Variants in CGNL1 observed in about 807,000 individuals in gnomAD.
The protein encoded by CGNL1 is cingulin-like protein 1.
In CGNL1, 132 loss-of-function variants were observed where a neutral mutation model predicts 141.2. The observed-to-expected ratio is 0.93, with a 90% CI of 0.81 to 1.08. The LOEUF (loss-of-function observed/expected upper bound fraction) is 1.08, where lower values mean the gene tolerates loss of function less well. Ranked by LOEUF, CGNL1 falls within the 50% of genes least tolerant of loss-of-function variation. The pLI is 0.00. For missense variants in CGNL1, 1,870 were observed against 1,588.6 expected, an observed-to-expected ratio of 1.18 and a Z score of -3.01; for synonymous variants, 690 against 622.1, an observed-to-expected ratio of 1.11 and a Z score of -1.63.
At chr15:57,417,089 G>T (rs1233701176) in intron 1 of CGNL1, among the ~76,000 whole-genome samples, 1 of 152,178 alleles carries the variant, frequency 6.6e-6, no homozygotes, top group Non-Finnish European at 1.5e-5. Context: ...ACCTGGCGGG[G>T]TTGCTGAACA....
At chr15:57,401,257 G>T (rs1307409779) in intron 1 of CGNL1, among the ~76,000 whole-genome samples, 1 of 152,128 alleles carries the variant, frequency 6.6e-6, no homozygotes, top group African/African-American at 2.4e-5. Flanking sequence ...TCATATATAA[G>T]TATTTGTACT....
chr15:57,491,781 A>G (rs911363212), intron 8 of CGNL1, among the ~76,000 whole-genome samples: 1 of 152,234 alleles, frequency 6.6e-6, no homozygotes, highest in Non-Finnish European at 1.5e-5. Flanking sequence ...AAGTTTTGCA[A>G]TGAGAATGTG....
At chr15:57,392,889 G>A (rs1329143101) in intron 1 of CGNL1, among the ~76,000 whole-genome samples, 1 of 152,088 alleles carries the variant, frequency 6.6e-6, no homozygotes, top group Non-Finnish European at 1.5e-5. Flanking sequence ...ATAAAAAATT[G>A]TTATCTTAAT....
At chr15:57,390,335 C>T (rs1396432327) in intron 1 of CGNL1, among the ~76,000 whole-genome samples, 2 of 152,216 alleles carry the variant, frequency 1.3e-5, no homozygotes, top group Non-Finnish European at 2.9e-5. Context: ...ATTACAGAGG[C>T]ATAAGAAGGC....
chr15:57,546,243 G>A lies in CGNL1; in HGVS notation c.3773+4G>A. ...ACTCCATGAAGAAGGACTTAAGGTGGGCAGGTGTGGAGGCCACAGAGGGCC... is the reference window on the plus strand; with the variant it reads ...ACTCCATGAAGAAGGACTTAAGGTGAGCAGGTGTGGAGGCCACAGAGGGCC... On this transcript the variant is annotated splice_donor_region_variant and intron_variant, in intron 18 of 18. Coordinates refer to ENST00000281282, the MANE Select transcript of CGNL1 (RefSeq NM_032866.5). 1 of 1,570,674 alleles carries A rather than the reference G, an allele frequency of 6.4e-7. No individual in the cohort carries two copies. Among genetic ancestry groups the A allele is most frequent in the Middle Eastern group, 1.9e-4 (1 of 5,354 alleles).
chr15:57,457,528 G>C (rs1005268478), intron 7 of CGNL1, among the ~76,000 whole-genome samples: 2 of 152,160 alleles, frequency 1.3e-5, no homozygotes, highest in African/African-American at 4.8e-5. Flanking sequence ...TTTTCATGCT[G>C]CTGATAAAGA....
rs1292613183 is a variant in CGNL1, at chr15:57,550,418, A to G, written c.*2928A>G. 6.6e-6 allele frequency: 1 copy of G among 152,646 alleles called. No homozygotes were observed. The highest frequency in any genetic ancestry group is 1.5e-5 in the Non-Finnish European group (1 of 68,044). The allele number at this position is 152,646 out of a possible 1,614,324, so 9.5% of individuals were successfully genotyped here. A position where few individuals can be genotyped will look rare whatever the true frequency, so the allele number is the denominator to read the frequency against. ...TTTTTTGCTTTAAGAACTAACCCCG[A>G]TCAAGAGTATTTTCTTTAGCTAGCT... is the stretch of plus-strand genomic sequence containing the variant. On this transcript the variant is annotated 3_prime_UTR_variant, in exon 19 of 19. Transcript: ENST00000281282.
intron 1 of CGNL1, among the ~76,000 whole-genome samples, chr15:57,398,794 G>A (rs1299083784): frequency 1.3e-5 from 2 of 152,166 alleles, no homozygotes; most frequent in African/African-American, 4.8e-5. Flanking sequence ...AGAGAACACC[G>A]TACTTTATCA....
At chr15:57,428,636 G>C (rs566818830) in intron 1 of CGNL1, among the ~76,000 whole-genome samples, 76 of 152,294 alleles carry the variant, frequency 5.0e-4, no homozygotes, top group African/African-American at 1.8e-3. Flanking sequence ...GCTGCCTCCA[G>C]TAGGTGAGCC....
intron 1 of CGNL1, among the ~76,000 whole-genome samples, chr15:57,433,996 T>C (rs2063075741): frequency 6.6e-6 from 1 of 152,264 alleles, no homozygotes; most frequent in African/African-American, 2.4e-5. Flanking sequence ...GCCACCAATC[T>C]GCTTTGGTCC....
At chr15:57,491,636 G>T (rs188841981) in intron 8 of CGNL1, among the ~76,000 whole-genome samples, 6 of 152,294 alleles carry the variant, frequency 3.9e-5, no homozygotes, top group Non-Finnish European at 7.4e-5. Flanking sequence ...TCACATTGTA[G>T]CTAAGAGGCA....
intron 1 of CGNL1, among the ~76,000 whole-genome samples, chr15:57,429,499 T>C (rs1257152390): frequency 6.6e-6 from 1 of 152,212 alleles, no homozygotes; most frequent in Non-Finnish European, 1.5e-5. Flanking sequence ...TAGAGGAAAC[T>C]GTAGCACAAA....
At chr15:57,482,951 A>T (rs1476115997) in intron 8 of CGNL1, among the ~76,000 whole-genome samples, 2 of 151,954 alleles carry the variant, frequency 1.3e-5, no homozygotes, top group Non-Finnish European at 2.9e-5. Flanking sequence ...CGCCTGGCTA[A>T]TTTTTTTGTA....
At chr15:57,477,852 T>C (rs59189354) in intron 8 of CGNL1, among the ~76,000 whole-genome samples, 3,341 of 152,264 alleles carry the variant, frequency 0.022, 124 homozygotes, top group African/African-American at 0.077. Flanking sequence ...ATGCCTGTGC[T>C]GTGTACCATG....
intron 1 of CGNL1, chr15:57,405,171 A>G (rs531467721): frequency 6.6e-6 from 1 of 152,302 alleles, no homozygotes; most frequent in African/African-American, 2.4e-5. Flanking sequence ...TGCTGAAGTG[A>G]GCCCATATTG....
At chr15:57,475,240 C>G (rs1318633823) in intron 8 of CGNL1, among the ~76,000 whole-genome samples, 2 of 152,226 alleles carry the variant, frequency 1.3e-5, no homozygotes, top group Non-Finnish European at 2.9e-5. Flanking sequence ...CACTCCACCA[C>G]CTGGCTCCCA....
rs1401244489 is a variant in CGNL1, at chr15:57,379,162, G to A, written c.-16+2595G>A. 2.6e-5 allele frequency among the ~76,000 whole-genome samples: 4 copies of A among 152,052 alleles called. No individual in the cohort carries two copies. The East Asian group carries it at 7.7e-4, about 29-fold the overall frequency. ...ATTGGGAAAAGAAAAATGCTTATTC[G>A]AGGATGCTGTTGAATTCATGGTGTC... On this transcript the variant is annotated intron_variant, in intron 1 of 18. Transcript: ENST00000281282.
intron 1 of CGNL1, among the ~76,000 whole-genome samples, chr15:57,399,230 C>T (rs1223458869): frequency 1.3e-5 from 2 of 152,210 alleles, no homozygotes; most frequent in Non-Finnish European, 2.9e-5. Flanking sequence ...TTCTAGCTAT[C>T]TGAAAATGTA....
chr15:57,405,884 GTC>G (rs1172617314), intron 1 of CGNL1: 2 of 137,298 alleles, frequency 1.5e-5, no homozygotes, highest in African/African-American at 5.4e-5. Flanking sequence ...CCGTCTGTCT[GTC>G]TCTCTCTGTT....
Sources: gnomAD v4.1 joint callset for allele counts (sites outside exome capture counted in the v4.1 genomes callset) on GRCh38, gnomAD v4.1.1 for gene constraint, MANE v1.5 for transcripts, NCBI Gene and HGNC (gene_info 2026-07-23, HGNC 2026-07-21) for gene names.